TBC1D2B: variants seen among roughly 807,000 people sequenced by gnomAD.
TBC1D2B encodes the protein TBC1 domain family member 2B.
TBC1D2B carries 64 observed loss-of-function variants against 100.8 expected under a neutral mutation model. The ratio of observed to expected loss-of-function variants is 0.64; its 90% CI spans 0.52 to 0.78. The LOEUF is 0.78. Ranked by LOEUF, TBC1D2B falls within the 30% of genes least tolerant of loss-of-function variation. The pLI, the probability that TBC1D2B is intolerant of heterozygous loss-of-function variation, is 0.00. For missense variants in TBC1D2B, 1,052 were observed against 1,218.4 expected (o/e 0.86, Z 2.03); for synonymous variants, 480 against 479.7 (o/e 1.00, Z -0.01).
At chr15:78,030,302 G>T (rs2072776949) in intron 3 of TBC1D2B, 132 bp from the exon 4 acceptor site, 2 of 776,616 alleles carry the variant, frequency 2.6e-6, no homozygotes, top group East Asian at 6.1e-5. Flanking sequence ...GAGAAATGGG[G>T]ATTCCCTTTT....
chr15:78,073,839 A>G (rs2073778460), intron 1 of TBC1D2B, among the ~76,000 whole-genome samples: 2 of 151,574 alleles, frequency 1.3e-5, no homozygotes, highest in Admixed American at 1.3e-4. Flanking sequence ...GAGCGGTGGC[A>G]CGCGCCTATA....
chr15:78,062,359 T>C (rs58578288), intron 1 of TBC1D2B, among the ~76,000 whole-genome samples: 40,788 of 152,152 alleles, frequency 0.27, 5,904 homozygotes, highest in East Asian at 0.36. Flanking sequence ...TCACTAAGCA[T>C]GGTGTAGAGT....
At chr15:78,028,939 T>A (rs200341392) in intron 4 of TBC1D2B, among the ~76,000 whole-genome samples, 1 of 152,256 alleles carries the variant, frequency 6.6e-6, no homozygotes, top group African/African-American at 2.4e-5. Context: ...TGTGTGGGTC[T>A]TGTTTGAATC....
At chr15:78,044,179 A>G (rs1382638337) in intron 3 of TBC1D2B, among the ~76,000 whole-genome samples, 1 of 152,226 alleles carries the variant, frequency 6.6e-6, no homozygotes, top group East Asian at 1.9e-4. Flanking sequence ...CGATGAAAAC[A>G]TTTAAAAATT....
At chr15:78,061,282 A>T (rs1243945896) in intron 1 of TBC1D2B, among the ~76,000 whole-genome samples, 3 of 150,260 alleles carry the variant, frequency 2.0e-5, no homozygotes, top group African/African-American at 7.5e-5. Context: ...TAAAAATATA[A>T]TAATAATAGG....
At chr15:78,073,055 C>A (rs2073765358) in intron 1 of TBC1D2B, among the ~76,000 whole-genome samples, 1 of 152,304 alleles carries the variant, frequency 6.6e-6, no homozygotes, top group Non-Finnish European at 1.5e-5. Context: ...CAAAAAAAAG[C>A]AGACTTGTCA....
At chr15:78,052,296 C>G (rs2073329916) in intron 2 of TBC1D2B, among the ~76,000 whole-genome samples, 1 of 152,208 alleles carries the variant, frequency 6.6e-6, no homozygotes, top group African/African-American at 2.4e-5. Flanking sequence ...AAACTATGCA[C>G]AGCCCACTTA....
In TBC1D2B at chr15:78,077,312, C is replaced by A; in HGVS notation, c.341G>T (p.Gly114Val). The change falls in exon 1 of 13, where the codon GGA becomes GTA. Residue 114 changes from glycine (G) to valine (V), a missense_variant. By Grantham distance (109) the Gly-to-Val change is moderately radical. Coordinates refer to ENST00000300584, the MANE Select transcript of TBC1D2B (RefSeq NM_144572.2). The stretch of plus-strand genomic sequence containing the variant: ...TCCCACCTTGAGCACCGTGACGGCT[C>A]CCGCGCTGTGCACCTGGAAGTGCGC... ...PPAHFQVHSA[G>V]AVTVLKAPNR... is the part of the protein sequence containing the mutation. The A allele has an allele frequency of 6.5e-7, 1 of 1,529,692 alleles. No homozygotes were observed. The highest frequency in any genetic ancestry group is 8.8e-7 in the Non-Finnish European group (1 of 1,139,718). 94.8% of individuals were successfully genotyped at this position (1,529,692 alleles called of 1,614,324 possible). A position where few individuals can be genotyped will look rare whatever the true frequency, so the allele number is the denominator to read the frequency against.
chr15:78,004,067 G>C (rs998282427), intron 10 of TBC1D2B, among the ~76,000 whole-genome samples: 3 of 152,184 alleles, frequency 2.0e-5, no homozygotes, highest in African/African-American at 4.8e-5. Flanking sequence ...AAACGGCTCT[G>C]TGCCTCATCT....
chr15:78,034,413 C>G, intron 3 of TBC1D2B: 1 of 845,382 alleles, frequency 1.2e-6, no homozygotes, highest in Non-Finnish European at 1.4e-6. Flanking sequence ...CTCACAGGAG[C>G]CTTCCCTCAG....
intron 4 of TBC1D2B, among the ~76,000 whole-genome samples, chr15:78,026,188 T>A (rs1474949443): frequency 6.6e-6 from 1 of 152,038 alleles, no homozygotes; most frequent in African/African-American, 2.4e-5. Context: ...TGCTATACTT[T>A]GAATGTGTCC....
chr15:78,030,240 G>T, intron 3 of TBC1D2B, 70 bp from the exon 4 acceptor site: 1 of 1,345,222 alleles, frequency 7.4e-7, no homozygotes, highest in Non-Finnish European at 1.0e-6. Context: ...CATGTATATA[G>T]GATTGGCAAA....
chr15:78,071,776 T>C (rs1024666916), intron 1 of TBC1D2B, among the ~76,000 whole-genome samples: 2 of 152,338 alleles, frequency 1.3e-5, no homozygotes, highest in East Asian at 1.9e-4. Flanking sequence ...TATTCATTCA[T>C]GCAACAAATG....
Position 78,077,293 on chromosome 15 carries a change from C to T in TBC1D2B, c.360G>A (p.Lys120=). ...GCGGCTTTGGGGCGAGCGGTCCCAC[C>T]TTGAGCACCGTGACGGCTCCCGCGC... ...VHSAGAVTVL[K]APNRQLMTYW... is the part of the protein sequence containing the mutation. Residue 120 remains lysine, a splice_region_variant and synonymous_variant, in exon 1 of 13, where the codon AAG becomes AAA. Coordinates refer to ENST00000300584, the MANE Select transcript of TBC1D2B (RefSeq NM_144572.2). The T allele has an allele frequency of 6.6e-7, 1 of 1,507,596 alleles. No individual in the cohort carries two copies. The highest frequency in any genetic ancestry group is 1.4e-5 in the African/African-American group (1 of 69,442). 93.4% of individuals were successfully genotyped at this position (1,507,596 alleles called of 1,614,324 possible).
chr15:78,034,693 C>T (rs1242487311), intron 3 of TBC1D2B: 2 of 985,332 alleles, frequency 2.0e-6, no homozygotes, highest in Non-Finnish European at 2.4e-6. Flanking sequence ...CTCTCACCTG[C>T]AGCTGAGGGA....
chr15:78,020,424 G>A (rs957952173), intron 6 of TBC1D2B, among the ~76,000 whole-genome samples: 8 of 152,176 alleles, frequency 5.3e-5, no homozygotes, highest in Non-Finnish European at 1.2e-4. Context: ...TCTCTAGAAC[G>A]ATGATGATCA....
chr15:78,077,633 C>G lies in TBC1D2B; in HGVS notation c.20G>C (p.Arg7Pro), dbSNP rs1029276274. ...GCCGCCGCCGCCGCCCTCCTCCGCC[C>G]GGGCTCCGGCCCCCGGCATCGCTAC... MPGAGA[R>P]AEEGGGGGEG... Residue 7 changes from arginine to proline, a missense_variant, in exon 1 of 13, where the codon CGG (arginine) becomes CCG (proline). Around this residue, in one of 4 missense-constraint regions of TBC1D2B, gnomAD observed 627 missense variants for 646.1 expected, o/e 0.97. Coordinates refer to ENST00000300584, the MANE Select transcript of TBC1D2B (RefSeq NM_144572.2). The G allele has an allele frequency of 9.0e-6, 9 of 996,666 alleles. No homozygotes were observed. In the East Asian group the frequency reaches 5.3e-4, roughly 59 times the overall value. The allele number at this position is 996,666 out of a possible 1,614,324, so 61.7% of individuals were successfully genotyped here.
At chr15:78,017,756 G>A in intron 7 of TBC1D2B, 91 bp downstream of exon 7, 1 of 743,406 alleles carries the variant, frequency 1.3e-6, no homozygotes, top group Non-Finnish European at 2.2e-6. Context: ...CCAAGCCTGG[G>A]AGTTGAACCG....
At chr15:78,074,402 T>C (rs538164177) in intron 1 of TBC1D2B, among the ~76,000 whole-genome samples, 12 of 152,336 alleles carry the variant, frequency 7.9e-5, no homozygotes, top group South Asian at 4.1e-4. Flanking sequence ...TACTATCTTA[T>C]TCTGTGACCA....
Sources: gnomAD v4.1 joint callset for allele counts (sites outside exome capture counted in the v4.1 genomes callset) on GRCh38, gnomAD v4.1.1 for gene constraint, gnomAD v4.1.1 regional missense constraint, MANE v1.5 for transcripts, NCBI Gene and HGNC (gene_info 2026-07-23, HGNC 2026-07-21) for gene names.